ROBO1: variants seen among roughly 807,000 people sequenced by gnomAD.
ROBO1 encodes roundabout homolog 1.
ROBO1 carries 149 observed loss-of-function variants against 195.9 expected under a neutral mutation model. That is an observed-to-expected ratio of 0.76 (90% CI 0.67 to 0.87). ROBO1 has a LOEUF of 0.87. Ranked by LOEUF, ROBO1 falls within the 40% of genes least tolerant of loss-of-function variation. The probability of loss-of-function intolerance (pLI) is 0.00; values close to 1 mark genes in which losing one functional copy is unlikely to be tolerated. For synonymous variants in ROBO1, 816 were observed against 733.2 expected (o/e 1.11, Z -1.82); for missense variants, 1,933 against 2,068.3 (o/e 0.93, Z 1.27).
intron 4 of ROBO1, among the ~76,000 whole-genome samples, chr3:78,756,575 T>C (rs2082937529): frequency 6.6e-6 from 1 of 152,192 alleles, no homozygotes; most frequent in Non-Finnish European, 1.5e-5. Context: ...TGGTAGCTAG[T>C]AAGATAAACA....
At chr3:79,684,036 A>C (rs1226708107) in intron 1 of ROBO1, among the ~76,000 whole-genome samples, 2 of 152,220 alleles carry the variant, frequency 1.3e-5, no homozygotes, top group South Asian at 2.1e-4. Flanking sequence ...ATGTTCTCCA[A>C]AGTGTTTGCG....
chr3:79,450,945 C>T (rs1042967033), intron 2 of ROBO1, among the ~76,000 whole-genome samples: 1 of 151,730 alleles, frequency 6.6e-6, no homozygotes, highest in Admixed American at 6.6e-5. Flanking sequence ...CTTGTATTTT[C>T]TATTAATCAT....
intron 4 of ROBO1, among the ~76,000 whole-genome samples, chr3:78,841,348 C>T (rs1559912404): frequency 6.6e-6 from 1 of 152,210 alleles, no homozygotes; most frequent in South Asian, 2.1e-4. Flanking sequence ...TACTGCTGGA[C>T]CATTTGGGCT....
intron 3 of ROBO1, among the ~76,000 whole-genome samples, chr3:79,096,689 TACACAC>T (rs1400077215): frequency 7.3e-5 from 11 of 151,024 alleles, no homozygotes; most frequent in African/African-American, 2.4e-4. Context: ...TGTGTATACG[TACACAC>T]ATATTTATAT....
chr3:79,406,586 G>GGT (rs146681897), intron 2 of ROBO1, among the ~76,000 whole-genome samples: 4 of 151,168 alleles, frequency 2.6e-5, no homozygotes, highest in African/African-American at 9.7e-5. Flanking sequence ...ATGTGTGTGT[G>GGT]GTGTGTGTGT....
At chr3:79,728,719 A>G (rs1010484647) in intron 1 of ROBO1, among the ~76,000 whole-genome samples, 2 of 152,184 alleles carry the variant, frequency 1.3e-5, no homozygotes, top group Non-Finnish European at 2.9e-5. Flanking sequence ...TAAGCCAGAA[A>G]AAGACTTAAT....
intron 2 of ROBO1, among the ~76,000 whole-genome samples, chr3:79,427,736 G>A (rs13083179): frequency 0.36 from 54,202 of 151,952 alleles, 10,522 homozygotes; most frequent in Admixed American, 0.49. Flanking sequence ...CTGGATTTCC[G>A]TATGCATAAG....
intron 8 of ROBO1, among the ~76,000 whole-genome samples, chr3:78,710,473 C>A (rs990073018): frequency 6.6e-6 from 1 of 152,212 alleles, no homozygotes; most frequent in East Asian, 1.9e-4. Flanking sequence ...ATTTTTCTAA[C>A]CACCTAATAA....
At chr3:78,776,989 G>A (rs1389795536) in intron 4 of ROBO1, among the ~76,000 whole-genome samples, 1 of 152,116 alleles carries the variant, frequency 6.6e-6, no homozygotes, top group East Asian at 1.9e-4. Context: ...TAACAATATA[G>A]TTGCATGATC....
At chr3:78,652,025 AATG>A (rs1475974480) in intron 18 of ROBO1, 96 bp from the exon 19 acceptor site, 1 of 989,762 alleles carries the variant, frequency 1.0e-6, no homozygotes, top group Non-Finnish European at 1.5e-6. Context: ...ATTTCTGGAT[AATG>A]ATTTCTGTTT....
intron 2 of ROBO1, among the ~76,000 whole-genome samples, chr3:79,148,255 T>A (rs1284803627): frequency 6.6e-6 from 1 of 151,810 alleles, no homozygotes; most frequent in Non-Finnish European, 1.5e-5. Context: ...AGCACCACGA[T>A]GGTAAACGGG....
At chr3:78,827,720 T>A (rs566432801) in intron 4 of ROBO1, among the ~76,000 whole-genome samples, 1 of 152,294 alleles carries the variant, frequency 6.6e-6, no homozygotes, top group East Asian at 1.9e-4. Flanking sequence ...AGAGCTAATG[T>A]GCTAATGTGG....
chr3:79,538,011 G>GA (rs549354898), intron 2 of ROBO1, among the ~76,000 whole-genome samples: 108 of 152,218 alleles, frequency 7.1e-4, no homozygotes, highest in South Asian at 2.3e-3. Context: ...GGCCACTTTC[G>GA]AAGCCATCCT....
intron 10 of ROBO1, among the ~76,000 whole-genome samples, chr3:78,678,279 G>T (rs1391904313): frequency 1.3e-5 from 2 of 150,202 alleles, no homozygotes; most frequent in African/African-American, 2.4e-5. Flanking sequence ...AAAAGCAAGA[G>T]CAAACACATT....
At position 79,360,409 on chromosome 3, in the gene ROBO1, T is replaced by C. The variant is rs1196908127; in HGVS notation, c.88+229415A>G. Among the ~76,000 whole-genome samples, 3 of 152,018 alleles carry C rather than the reference T, an allele frequency of 2.0e-5. No individual in the cohort carries two copies. The East Asian group carries it at 5.8e-4, about 29-fold the overall frequency. ...TGATAAAATTATTTATGAAGAATTT[T>C]TTTGTACTTTTAAATTTTTTCTTTG... On this transcript the variant is annotated intron_variant, in intron 2 of 30. Coordinates refer to ENST00000464233, the MANE Select transcript of ROBO1 (RefSeq NM_002941.4).
At chr3:78,764,852 T>C (rs1249995058) in intron 4 of ROBO1, among the ~76,000 whole-genome samples, 1 of 152,068 alleles carries the variant, frequency 6.6e-6, no homozygotes, top group East Asian at 1.9e-4. Flanking sequence ...AAATAGATGG[T>C]TCATTCTGTC....
chr3:79,126,944 C>T (rs2108576058), intron 2 of ROBO1, among the ~76,000 whole-genome samples: 1 of 152,076 alleles, frequency 6.6e-6, no homozygotes, highest in Admixed American at 6.6e-5. Context: ...CCCTAATCTC[C>T]CTGCTTTCCC....
chr3:79,355,722 G>A (rs1224198516), intron 2 of ROBO1, among the ~76,000 whole-genome samples: 7 of 151,960 alleles, frequency 4.6e-5, no homozygotes, highest in African/African-American at 1.2e-4. Flanking sequence ...CATCCATGTC[G>A]CTGCAAATTA....
rs79671297 is a variant in ROBO1, at chr3:78,876,605, C to T, written c.499+61996G>A. Among the ~76,000 whole-genome samples the T allele has an allele frequency of 9.9e-4, 151 of 152,230 alleles. 1 individual carries two copies. The East Asian group carries it at 0.026, about 27-fold the overall frequency. On this transcript the variant is annotated intron_variant, in intron 4 of 30. Transcript: ENST00000464233. Reference sequence around the variant, plus strand: ...GATAAAGTAAAACCACATAAGAATACATGAAAATTCCACATTTAAACCAAA... The same window carrying T: ...GATAAAGTAAAACCACATAAGAATATATGAAAATTCCACATTTAAACCAAA...
Sources: gnomAD v4.1 joint callset for allele counts (sites outside exome capture counted in the v4.1 genomes callset) on GRCh38, gnomAD v4.1.1 for gene constraint, MANE v1.5 for transcripts, NCBI Gene and HGNC (gene_info 2026-07-23, HGNC 2026-07-21) for gene names.